Variants in OTOF observed in about 807,000 individuals in gnomAD.
The protein encoded by OTOF is otoferlin, also known as fer-1-like family member 2.
A neutral mutation model predicts 236.8 loss-of-function variants in OTOF; 218 were observed. That is an observed-to-expected ratio of 0.92 (90% confidence interval 0.82 to 1.03). The LOEUF is 1.03. OTOF is among the 50% of genes least tolerant of loss of function. The pLI, the probability that OTOF is intolerant of heterozygous loss-of-function variation, is 0.00. For missense variants in OTOF, 2,590 were observed against 2,694.4 expected (o/e 0.96, Z 0.86); for synonymous variants, 1,041 against 1,072.5 (o/e 0.97, Z 0.57).
chr2:26,461,102 C>CCTG lies in OTOF; in HGVS notation c.5534-73_5534-72insCAG. 2.2e-5 allele frequency: 25 copies of CCTG among 1,143,768 alleles called. No homozygotes were observed. The highest frequency in any genetic ancestry group is 2.8e-5 in the Non-Finnish European group (22 of 789,464). The allele number at this position is 1,143,768 out of a possible 1,614,324, so 70.9% of individuals were successfully genotyped here. On this transcript the variant is annotated intron_variant, in intron 43 of 46. Coordinates refer to ENST00000272371, the MANE Select transcript of OTOF (RefSeq NM_194248.3). The surrounding 1 kb of genome is among the most constrained non-coding windows in gnomAD (Gnocchi z 6.2). ...GGCGGGGTGGGGGTGGGGGTCTGGG[C>CCTG]TCCTCGGCCCCTTGTTTGCTGAGTG...
intron 37 of OTOF, 33 bp from the exon 38 acceptor site, chr2:26,465,875 G>T: frequency 6.2e-7 from 1 of 1,614,230 alleles, no homozygotes; most frequent in Non-Finnish European, 8.5e-7. Context: ...AGGGCTTAAG[G>T]ATTGGCTAGG....
At chr2:26,520,203 G>C (rs1204086515) in intron 3 of OTOF, among the ~76,000 whole-genome samples, 1 of 152,190 alleles carries the variant, frequency 6.6e-6, no homozygotes, top group Non-Finnish European at 1.5e-5. Context: ...ACAAAGGGGA[G>C]GGAAGCATCC....
chr2:26,516,558 G>A lies in OTOF; in HGVS notation c.369C>T (p.Gly123=). The change falls in exon 5 of 47, where the codon GGC becomes GGT. Residue 123 remains glycine (G), a synonymous_variant. Coordinates refer to ENST00000272371, the MANE Select transcript of OTOF (RefSeq NM_194248.3). The part of the protein sequence containing the change: ...CVEVRYQATD[G]TVGSWDDGDF... ...CCCCATCGTCCCAGGAGCCCACTGT[G>A]CCGTCAGTGGCCTGATACCGGACCT... 6.2e-7 allele frequency: 1 copy of A among 1,610,518 alleles called. No homozygotes were observed. Among genetic ancestry groups the A allele is most frequent in the African/African-American group, 1.3e-5 (1 of 75,046 alleles).
chr2:26,518,207 G>A (rs1479678838), intron 4 of OTOF, among the ~76,000 whole-genome samples: 1 of 152,232 alleles, frequency 6.6e-6, no homozygotes, highest in Non-Finnish European at 1.5e-5. Flanking sequence ...TAGGTAAACT[G>A]AGGTCAGGAA....
In OTOF at chr2:26,472,609, G is replaced by C; in HGVS notation, c.3774C>G (p.Gly1258=). ...LRRCRVLCNG[G]SSSHSTGEVV... ...CCTCCCCTGTGGAGTGAGAGGAGGA[G>C]CCCCCATTGCACAGCACACGGCAGC... Residue 1258 remains glycine (G), a synonymous_variant, in exon 30 of 47, where the codon GGC becomes GGG. Coordinates refer to ENST00000272371, the MANE Select transcript of OTOF (RefSeq NM_194248.3). 1 of 1,613,230 alleles carries C rather than the reference G, an allele frequency of 6.2e-7. No individual in the cohort carries two copies. The highest frequency in any genetic ancestry group is 1.1e-5 in the South Asian group (1 of 91,068).
intron 30 of OTOF, among the ~76,000 whole-genome samples, chr2:26,472,140 G>A (rs1665013244): frequency 6.7e-6 from 1 of 150,342 alleles, no homozygotes; most frequent in Admixed American, 6.6e-5. Flanking sequence ...ACGTGCATAT[G>A]CACATACCCC....
At chr2:26,489,043 CTGTG>C (rs1362241909) in intron 11 of OTOF, among the ~76,000 whole-genome samples, 164 bp downstream of exon 11, 9 of 152,268 alleles carry the variant, frequency 5.9e-5, no homozygotes, top group Admixed American at 2.0e-4. Flanking sequence ...TGTGTACAGA[CTGTG>C]CGCGCCACTT....
In OTOF at chr2:26,477,538, C is replaced by A. The variant is rs761128005; in HGVS notation, c.2316-32G>T. 8 of 1,596,280 alleles carry A rather than the reference C, an allele frequency of 5.0e-6. No individual in the cohort carries two copies. Among genetic ancestry groups the A allele is most frequent in the Middle Eastern group, 1.7e-4 (1 of 6,040 alleles). On this transcript the variant is annotated intron_variant, in intron 19 of 46. Transcript: ENST00000272371. The surrounding 1 kb of genome is among the most constrained non-coding windows in gnomAD (Gnocchi z 4.7). ...GTAGGGCGAGCCGGGGTTTAGCGAG[C>A]CTGACCAGCAGGGGCTCTGTAGATT...
At chr2:26,471,284 G>T in intron 30 of OTOF, 134 bp from the exon 31 acceptor site, 1 of 949,096 alleles carries the variant, frequency 1.1e-6, no homozygotes, top group Non-Finnish European at 1.7e-6. Flanking sequence ...TGCCCGCAAG[G>T]CCAACTTTGC....
chr2:26,472,768 G>A, intron 29 of OTOF, 119 bp from the exon 30 acceptor site: 2 of 1,027,910 alleles, frequency 1.9e-6, no homozygotes, highest in Admixed American at 4.0e-5. Context: ...GAGGGAGAGG[G>A]GGACAGGCAG....
rs1665566423 is a variant in OTOF, at chr2:26,482,511, A to G, written c.1474T>C (p.Cys492Arg). The G allele has an allele frequency of 6.2e-7, 1 of 1,613,382 alleles. No homozygotes were observed. Among genetic ancestry groups the G allele is most frequent in the African/African-American group, 1.3e-5 (1 of 75,042 alleles). ...VVFTDLFPPL[C>R]KRMKVQIRDS... ...CGGATCTGCACCTTCATGCGTTTGC[A>G]GAGTGGGGGGAAGAGGTCTGTAAAG... The change falls in exon 14 of 47, where the codon TGC (cysteine) becomes CGC (arginine). Residue 492 changes from cysteine (C) to arginine (R), a missense_variant. Physicochemically the swap from Cys to Arg is radical, Grantham distance 180 (BLOSUM62 -3). Around this residue, in one of 2 missense-constraint regions of OTOF, gnomAD observed 1,379 missense variants for 1,341.6 expected, o/e 1.03. Coordinates refer to ENST00000272371, the MANE Select transcript of OTOF (RefSeq NM_194248.3).
chr2:26,495,228 T>C (rs1049464207), intron 8 of OTOF, among the ~76,000 whole-genome samples, 155 bp from the exon 9 acceptor site: 1 of 152,180 alleles, frequency 6.6e-6, no homozygotes, highest in African/African-American at 2.4e-5. Context: ...GCCTCTCATC[T>C]GCTGGGTGAT....
At chr2:26,472,452 T>C (rs1018740371) in intron 30 of OTOF, 67 bp downstream of exon 30, 1 of 1,600,292 alleles carries the variant, frequency 6.2e-7, no homozygotes, top group South Asian at 1.1e-5. Context: ...GATAGTCTGG[T>C]TCACAGGATG....
intron 22 of OTOF, among the ~76,000 whole-genome samples, 165 bp downstream of exon 22, chr2:26,476,726 A>C (rs1020675466): frequency 5.3e-5 from 4 of 75,570 alleles, no homozygotes; most frequent in Admixed American, 1.4e-4. Flanking sequence ...CCCTTCCCCC[A>C]CCTCCTTCCC....
Position 26,501,734 on chromosome 2 carries a change from G to T in OTOF, c.765+20C>A, listed in dbSNP as rs780941460. ...TAGAGCAGAGTCTGAAAGACATGAG[G>T]CCTCCAGGTGCCCACCTACCTGGTA... On this transcript the variant is annotated intron_variant, in intron 8 of 46. Coordinates refer to ENST00000272371, the MANE Select transcript of OTOF (RefSeq NM_194248.3). The T allele has an allele frequency of 1.9e-6, 3 of 1,581,956 alleles. No individual in the cohort carries two copies. The highest frequency in any genetic ancestry group is 2.6e-6 in the Non-Finnish European group (3 of 1,150,780).
At chr2:26,481,812 G>C (rs1176673968) in intron 14 of OTOF, among the ~76,000 whole-genome samples, 1 of 152,102 alleles carries the variant, frequency 6.6e-6, no homozygotes, top group Admixed American at 6.5e-5. Context: ...CTGTGGATTT[G>C]CCGGATGTTT....
At chr2:26,510,287 C>T (rs1666350611) in intron 5 of OTOF, among the ~76,000 whole-genome samples, 1 of 152,136 alleles carries the variant, frequency 6.6e-6, no homozygotes, top group Non-Finnish European at 1.5e-5. Context: ...CTTATGCCTC[C>T]AGCTGCCTGG....
chr2:26,464,945 G>T lies in OTOF; in HGVS notation c.4884C>A (p.Pro1628=). The change falls in exon 39 of 47, where the codon CCC becomes CCA. Residue 1628 remains proline, a synonymous_variant. Coordinates refer to ENST00000272371, the MANE Select transcript of OTOF (RefSeq NM_194248.3). ...RLCKDGKVDG[P]HFGPPGRVKV... ...TCACTCTCCCAGGGGGCCCAAAGTG[G>T]GGGCCGTCCACTTTGCCGTCTTTGC... The T allele has an allele frequency of 6.3e-7, 1 of 1,577,274 alleles. No individual in the cohort carries two copies. Among genetic ancestry groups the T allele is most frequent in the Non-Finnish European group, 8.6e-7 (1 of 1,161,062 alleles).
intron 9 of OTOF, among the ~76,000 whole-genome samples, chr2:26,492,441 A>C (rs1177329452): frequency 1.3e-5 from 2 of 152,258 alleles, no homozygotes; most frequent in African/African-American, 4.8e-5. Context: ...AACACATTTA[A>C]GATTGTCCAA....
Sources: gnomAD v4.1 joint callset for allele counts (sites outside exome capture counted in the v4.1 genomes callset) on GRCh38, gnomAD v4.1.1 for gene constraint, gnomAD v4.1.1 regional missense constraint, Gnocchi (gnomAD v3.1) non-coding constraint, MANE v1.5 for transcripts, NCBI Gene and HGNC (gene_info 2026-07-23, HGNC 2026-07-21) for gene names.